Variants in IL17RA observed in about 807,000 individuals in gnomAD.
IL17RA encodes the protein interleukin 17 receptor A.
Under a neutral mutation model 50.4 loss-of-function variants are expected in IL17RA, and 34 were observed. The ratio of observed to expected loss-of-function variants is 0.67; its 90% confidence interval spans 0.51 to 0.90. The LOEUF (loss-of-function observed/expected upper bound fraction) is 0.90. Among genes scored for constraint, IL17RA ranks in the 40% least tolerant of loss-of-function variants. The pLI is 0.00. For synonymous variants in IL17RA, 585 were observed against 510.4 expected, an observed-to-expected ratio of 1.15 and a Z score of -1.97; for missense variants, 1,276 against 1,169.8, an observed-to-expected ratio of 1.09 and a Z score of -1.32.
rs991520125 is a variant in IL17RA at position 17,102,608 on chromosome 22, AAAG to A, written c.762+312_762+314del. On this transcript the variant is annotated intron_variant, in intron 7 of 12. Transcript: ENST00000319363. ...CAAAAAGGATTTGAGGATTTAAAAA[AAAG>A]AAGAAATGTGAAAATAGAGACAAAG... Among the ~76,000 whole-genome samples, 15 of 152,046 alleles carry A rather than the reference AAAG, an allele frequency of 9.9e-5. No homozygotes were observed. The East Asian group carries it at 1.5e-3, about 16-fold the overall frequency.
chr22:17,102,148 G>GT lies in IL17RA; in HGVS notation c.608_609insT (p.Trp203CysfsTer45). 6.2e-7 allele frequency: 1 copy of GT among 1,614,134 alleles called. No individual in the cohort carries two copies. Among genetic ancestry groups the GT allele is most frequent in the Non-Finnish European group, 8.5e-7 (1 of 1,180,028 alleles). The stretch of plus-strand genomic sequence containing the variant: ...TGTGTGACCTTGGCAGGCAGCCTGT[G>GT]GGACCCCAACATCACCGTGGAGACC... On this transcript the variant is annotated frameshift_variant, in exon 7 of 13. Transcript: ENST00000319363. LOFTEE classifies it high-confidence loss of function.
At position 17,109,710 on chromosome 22, in the gene IL17RA, G is replaced by A. The variant is rs747381686; in HGVS notation, c.2491G>A (p.Glu831Lys). ...PGKPALPLSP[E>K]DLESLRSLQR... ...GAAGCCGGCCCTGCCACTCTCTCCC[G>A]AGGACCTGGAGAGCCTGAGGAGCCT... The change falls in exon 13 of 13, where the codon GAG (glutamate) becomes AAG (lysine). Residue 831 changes from glutamate (E) to lysine (K), a missense_variant. Coordinates refer to ENST00000319363, the MANE Select transcript of IL17RA (RefSeq NM_014339.7). 4.4e-6 allele frequency: 7 copies of A among 1,587,660 alleles called. No homozygotes were observed. Among genetic ancestry groups the A allele is most frequent in the African/African-American group, 1.3e-5 (1 of 74,592 alleles).
intron 8 of IL17RA, among the ~76,000 whole-genome samples, chr22:17,103,830 T>G (rs2061401598): frequency 8.1e-6 from 1 of 123,554 alleles, no homozygotes. Context: ...GTGGAGAGAG[T>G]GGTGTGGACG....
chr22:17,093,314 T>G (rs563409831), intron 1 of IL17RA, among the ~76,000 whole-genome samples: 1 of 151,950 alleles, frequency 6.6e-6, no homozygotes, highest in East Asian at 1.9e-4. Flanking sequence ...TCTGGAGGTG[T>G]TTTTTTTGGG....
At chr22:17,094,226 T>C (rs957051156) in intron 1 of IL17RA, among the ~76,000 whole-genome samples, 3 of 152,038 alleles carry the variant, frequency 2.0e-5, no homozygotes, top group African/African-American at 7.2e-5. Context: ...CTTCAGGTGA[T>C]CCACCTACCT....
chr22:17,109,943 G>A lies in IL17RA; in HGVS notation c.*123G>A, dbSNP rs1365349398. On this transcript the variant is annotated 3_prime_UTR_variant, in exon 13 of 13. Transcript: ENST00000319363. ...GTGTGTGAAATGTAGGCTTTAAAAT[G>A]TAAATGTCTGGATTTTAATCCCAGG... 4 of 972,666 alleles carry A rather than the reference G, an allele frequency of 4.1e-6. No individual in the cohort carries two copies. The highest frequency in any genetic ancestry group is 1.6e-5 in the African/African-American group (1 of 60,826). 60.3% of individuals were successfully genotyped at this position (972,666 alleles called of 1,614,324 possible). A position where few individuals can be genotyped will look rare whatever the true frequency, so the allele number is the denominator to read the frequency against.
intron 1 of IL17RA, 142 bp from the exon 2 acceptor site, chr22:17,096,920 T>A: frequency 2.8e-6 from 2 of 702,828 alleles, no homozygotes. Flanking sequence ...CTGGACTCAC[T>A]CCTCATCCTA....
chr22:17,092,264 A>G (rs541401830), intron 1 of IL17RA, among the ~76,000 whole-genome samples: 1 of 152,326 alleles, frequency 6.6e-6, no homozygotes, highest in East Asian at 1.9e-4. Context: ...TCCTTCTCCT[A>G]TACCTCACCT....
intron 2 of IL17RA, 176 bp from the exon 3 acceptor site, chr22:17,097,621 A>G (rs2061372840): frequency 4.5e-6 from 3 of 664,218 alleles, no homozygotes; most frequent in South Asian, 3.6e-5. Context: ...CAGTGACCCC[A>G]GTAAACATTA....
At chr22:17,095,064 A>G (rs2061364020) in intron 1 of IL17RA, among the ~76,000 whole-genome samples, 1 of 152,108 alleles carries the variant, frequency 6.6e-6, no homozygotes, top group Admixed American at 6.5e-5. Flanking sequence ...GACAAATCTT[A>G]TACAAAAAGA....
Position 17,100,271 on chromosome 22 carries a change from G to A in IL17RA, c.424-84G>A, listed in dbSNP as rs542444879. On this transcript the variant is annotated intron_variant, in intron 4 of 12. Coordinates refer to ENST00000319363, the MANE Select transcript of IL17RA (RefSeq NM_014339.7). ...TATTTTTGGCTGAATATTCGGGAGTGGGTGGGAACGGGGGTCTTTGGGCAT... is the reference window on the plus strand; with the variant it reads ...TATTTTTGGCTGAATATTCGGGAGTAGGTGGGAACGGGGGTCTTTGGGCAT... The A allele has an allele frequency of 1.9e-5, 29 of 1,528,834 alleles. No individual in the cohort carries two copies. The Admixed American group carries it at 3.7e-4, about 19-fold the overall frequency. 94.7% of individuals were successfully genotyped at this position (1,528,834 alleles called of 1,614,324 possible).
At position 17,097,887 on chromosome 22, in the gene IL17RA, C is replaced by T. The variant is rs2061374014; in HGVS notation, c.254C>T (p.Thr85Ile). ...CAGATCCAGCTGCACTTTGCCCACA[C>T]CCAACAAGGAGACCTGTTCCCCGTG... Reference protein sequence around the residue: ...DLQIQLHFAHTQQGDLFPVAH... With the variant: ...DLQIQLHFAHIQQGDLFPVAH... The change falls in exon 3 of 13, where the codon ACC (threonine) becomes ATC (isoleucine). Residue 85 changes from threonine (T) to isoleucine (I), a missense_variant. Transcript: ENST00000319363. The T allele has an allele frequency of 6.2e-7, 1 of 1,614,210 alleles. No individual in the cohort carries two copies. The highest frequency in any genetic ancestry group is 8.5e-7 in the Non-Finnish European group (1 of 1,180,036).
chr22:17,098,198 G>GA (rs1423408409), intron 3 of IL17RA, among the ~76,000 whole-genome samples: 1 of 151,720 alleles, frequency 6.6e-6, no homozygotes, highest in African/African-American at 2.4e-5. Context: ...ACCCTGAGGG[G>GA]AAAAAAAAGC....
At chr22:17,086,810 G>A (rs2061329890) in intron 1 of IL17RA, among the ~76,000 whole-genome samples, 1 of 152,342 alleles carries the variant, frequency 6.6e-6, no homozygotes, top group South Asian at 2.1e-4. Flanking sequence ...AAGGGCCTGA[G>A]CCAAGGTCCT....
rs1376672436 is a variant in IL17RA at position 17,097,081 on chromosome 22, A to G, written c.158A>G (p.Lys53Arg). Residue 53 changes from lysine to arginine, a missense_variant, in exon 2 of 13, where the codon AAG (lysine) becomes AGG (arginine). Physicochemically the swap from Lys to Arg is conservative, Grantham distance 26 (BLOSUM62 2). Transcript: ENST00000319363. ...CSQPGLNCTV[K>R]NSTCLDDSWI... Reference sequence around the variant, plus strand: ...CCACAGGGGCTAAACTGCACGGTCAAGAATAGTAAGTCATCTTTTTCTGTT... The same window carrying G: ...CCACAGGGGCTAAACTGCACGGTCAGGAATAGTAAGTCATCTTTTTCTGTT... 6.2e-7 allele frequency: 1 copy of G among 1,613,504 alleles called. No homozygotes were observed. The highest frequency in any genetic ancestry group is 1.3e-5 in the African/African-American group (1 of 74,906).
At chr22:17,100,141 TA>T (rs35718705) in intron 4 of IL17RA, among the ~76,000 whole-genome samples, 4,978 of 121,494 alleles carry the variant, frequency 0.041, 171 homozygotes, top group African/African-American at 0.1. Flanking sequence ...GATCCAGGTT[TA>T]AAAAAAAAAA....
chr22:17,102,902 G>A (rs1674465796), intron 7 of IL17RA, among the ~76,000 whole-genome samples: 1 of 152,018 alleles, frequency 6.6e-6, no homozygotes, highest in African/African-American at 2.4e-5. Context: ...AGCAGTTTGG[G>A]AGGCCAAGGC....
At chr22:17,096,884 A>G (rs1227679740) in intron 1 of IL17RA, among the ~76,000 whole-genome samples, 178 bp from the exon 2 acceptor site, 5 of 151,654 alleles carry the variant, frequency 3.3e-5, no homozygotes, top group African/African-American at 1.2e-4. Context: ...AAAAAAAAAA[A>G]AAAGCACCAT....
chr22:17,104,672 A>G, intron 8 of IL17RA, 54 bp from the exon 9 acceptor site: 1 of 1,520,230 alleles, frequency 6.6e-7, no homozygotes, highest in South Asian at 1.1e-5. Context: ...GCTGGCTGGA[A>G]GGCATGGGCG....
Sources: gnomAD v4.1 joint callset for allele counts (sites outside exome capture counted in the v4.1 genomes callset) on GRCh38, gnomAD v4.1.1 for gene constraint, MANE v1.5 for transcripts, NCBI Gene and HGNC (gene_info 2026-07-23, HGNC 2026-07-21) for gene names.